SLC8A3: variants seen among roughly 807,000 people sequenced by gnomAD.
The protein encoded by SLC8A3 is solute carrier family 8 member A3.
Under a neutral mutation model 65.4 loss-of-function variants are expected in SLC8A3, and 37 were observed. The observed-to-expected ratio is 0.57, with a 90% CI of 0.44 to 0.74. The LOEUF (loss-of-function observed/expected upper bound fraction) is 0.74, where lower values mean the gene tolerates loss of function less well. SLC8A3 is among the 30% of genes least tolerant of loss of function. SLC8A3 has a pLI of 0.00. For synonymous variants in SLC8A3, 461 were observed against 444.5 expected (o/e 1.04, Z -0.47); for missense variants, 1,112 against 1,172.1 (o/e 0.95, Z 0.75).
At chr14:70,066,658 A>G (rs1566750695) in intron 2 of SLC8A3, among the ~76,000 whole-genome samples, 1 of 152,114 alleles carries the variant, frequency 6.6e-6, no homozygotes, top group Non-Finnish European at 1.5e-5. Context: ...TAAAAATACA[A>G]AAATTAGCCA....
chr14:70,101,411 G>C (rs1892541442), intron 2 of SLC8A3, among the ~76,000 whole-genome samples: 1 of 152,128 alleles, frequency 6.6e-6, no homozygotes. Context: ...AAAAAACCTG[G>C]TGGTAGAAGT....
intron 1 of SLC8A3, among the ~76,000 whole-genome samples, chr14:70,185,641 G>GT (rs1883143587): frequency 6.6e-6 from 1 of 152,220 alleles, no homozygotes; most frequent in Admixed American, 6.5e-5. Flanking sequence ...AGGAAAGAAT[G>GT]TAATTGTTCC....
intron 1 of SLC8A3, among the ~76,000 whole-genome samples, chr14:70,174,620 G>T (rs1897750875): frequency 6.9e-6 from 1 of 144,408 alleles, no homozygotes; most frequent in Non-Finnish European, 1.5e-5. Context: ...CTACATTCTG[G>T]ATTTACCAAA....
At chr14:70,064,527 G>A (rs1488438612) in intron 2 of SLC8A3, among the ~76,000 whole-genome samples, 1 of 151,434 alleles carries the variant, frequency 6.6e-6, no homozygotes, top group Non-Finnish European at 1.5e-5. Flanking sequence ...GAGCCGGCGG[G>A]AGGGTTGGGT....
intron 2 of SLC8A3, among the ~76,000 whole-genome samples, chr14:70,120,642 G>A (rs1056113692): frequency 5.3e-5 from 8 of 152,274 alleles, no homozygotes; most frequent in African/African-American, 1.4e-4. Flanking sequence ...TGAGACAGCC[G>A]GGTCCTGTCC....
chr14:70,154,991 C>T (rs1896489867), intron 2 of SLC8A3, among the ~76,000 whole-genome samples: 1 of 147,842 alleles, frequency 6.8e-6, no homozygotes, highest in African/African-American at 2.5e-5. Flanking sequence ...GTGATCTCGG[C>T]TCACTGCAAC....
chr14:70,135,687 A>C (rs1026724773), intron 2 of SLC8A3, among the ~76,000 whole-genome samples: 29 of 150,590 alleles, frequency 1.9e-4, no homozygotes, highest in African/African-American at 6.3e-4. Context: ...GAGAGCTATA[A>C]AAAAAAAAAG....
chr14:70,124,712 G>T (rs1040534943), intron 2 of SLC8A3, among the ~76,000 whole-genome samples: 1 of 152,232 alleles, frequency 6.6e-6, no homozygotes, highest in Non-Finnish European at 1.5e-5. Flanking sequence ...GCTCTGTTCA[G>T]TCATTCAACT....
intron 2 of SLC8A3, among the ~76,000 whole-genome samples, chr14:70,123,390 T>C (rs1894214269): frequency 6.6e-6 from 1 of 151,890 alleles, no homozygotes; most frequent in Non-Finnish European, 1.5e-5. Flanking sequence ...AGAAATATAA[T>C]GTTAATGATG....
chr14:70,185,219 G>A (rs939388779), intron 1 of SLC8A3, among the ~76,000 whole-genome samples: 2 of 152,046 alleles, frequency 1.3e-5, no homozygotes, highest in East Asian at 1.9e-4. Flanking sequence ...CGCCTGCCTC[G>A]GCCTCCCAAA....
chr14:70,072,772 C>G (rs1310788540), intron 2 of SLC8A3, among the ~76,000 whole-genome samples: 1 of 152,156 alleles, frequency 6.6e-6, no homozygotes, highest in Admixed American at 6.5e-5. Flanking sequence ...CTCAGCCTCC[C>G]GAGTAGCTGG....
intron 3 of SLC8A3, chr14:70,060,588 G>A (rs1222606907): frequency 8.0e-6 from 5 of 627,898 alleles, no homozygotes; most frequent in African/African-American, 7.2e-5. Flanking sequence ...TGCCCAGAAG[G>A]CGGTAAAGGA....
chr14:70,080,772 T>C (rs1022252197), intron 2 of SLC8A3, among the ~76,000 whole-genome samples: 1 of 152,158 alleles, frequency 6.6e-6, no homozygotes, highest in Non-Finnish European at 1.5e-5. Flanking sequence ...CTCAGTGGAT[T>C]TGAATGCCTA....
intron 1 of SLC8A3, among the ~76,000 whole-genome samples, chr14:70,175,922 G>C (rs1486412244): frequency 2.6e-5 from 4 of 151,816 alleles, no homozygotes; most frequent in Non-Finnish European, 5.9e-5. Context: ...TTTAATAGAG[G>C]CATGATTTCA....
At chr14:70,074,425 G>A (rs1015185188) in intron 2 of SLC8A3, among the ~76,000 whole-genome samples, 2 of 152,206 alleles carry the variant, frequency 1.3e-5, no homozygotes, top group Admixed American at 6.5e-5. Flanking sequence ...TCGGCTGCAG[G>A]AATAGTGGAT....
chr14:70,082,013 A>G (rs1243216109), intron 2 of SLC8A3, among the ~76,000 whole-genome samples: 2 of 152,178 alleles, frequency 1.3e-5, no homozygotes, highest in African/African-American at 4.8e-5. Context: ...AATCCTTCTC[A>G]TTGAATCCTT....
At chr14:70,089,582 G>A (rs1386110192) in intron 2 of SLC8A3, among the ~76,000 whole-genome samples, 1 of 152,144 alleles carries the variant, frequency 6.6e-6, no homozygotes, top group Non-Finnish European at 1.5e-5. Context: ...TTCAAGTTGG[G>A]CATGCTGACT....
intron 1 of SLC8A3, among the ~76,000 whole-genome samples, chr14:70,172,955 G>A (rs1214783432): frequency 3.3e-5 from 5 of 152,138 alleles, no homozygotes; most frequent in Non-Finnish European, 1.5e-5. Context: ...CCAGGCAAAG[G>A]CAAAGACATG....
At chr14:70,113,887 C>T (rs146537001) in intron 2 of SLC8A3, among the ~76,000 whole-genome samples, 1 of 132,576 alleles carries the variant, frequency 7.5e-6, no homozygotes, top group African/African-American at 2.8e-5. Context: ...GCAGCCTAAC[C>T]TGACAGTAGC....
Sources: gnomAD v4.1 joint callset for allele counts (sites outside exome capture counted in the v4.1 genomes callset) on GRCh38, gnomAD v4.1.1 for gene constraint, MANE v1.5 for transcripts, NCBI Gene and HGNC (gene_info 2026-07-23, HGNC 2026-07-21) for gene names.